Variants in UNC13A observed in about 807,000 individuals in gnomAD.
UNC13A encodes the protein protein unc-13 homolog A.
A neutral mutation model predicts 219.7 loss-of-function variants in UNC13A; 61 were observed. The ratio of observed to expected loss-of-function variants is 0.28; its 90% confidence interval spans 0.23 to 0.34. The LOEUF (loss-of-function observed/expected upper bound fraction) is 0.34, where lower values mean the gene tolerates loss of function less well. Among genes scored for constraint, UNC13A ranks in the 10% least tolerant of loss-of-function variants. The pLI is 1.00. For missense variants in UNC13A, 1,476 were observed against 2,270.3 expected, an observed-to-expected ratio of 0.65 and a Z score of 7.11; for synonymous variants, 920 against 884.6, an observed-to-expected ratio of 1.04 and a Z score of -0.71.
intron 38 of UNC13A, among the ~76,000 whole-genome samples, 172 bp downstream of exon 38, chr19:17,620,521 C>A (rs2076717210): frequency 6.6e-6 from 1 of 151,794 alleles, no homozygotes; most frequent in African/African-American, 2.4e-5. Flanking sequence ...CCACCAACCC[C>A]CCACCCACCA....
intron 9 of UNC13A, 110 bp from the exon 10 acceptor site, chr19:17,656,508 G>C: frequency 1.7e-6 from 2 of 1,145,838 alleles, no homozygotes; most frequent in Non-Finnish European, 2.4e-6. Flanking sequence ...CGATGTGCCA[G>C]GTCCTGCTCT....
intron 29 of UNC13A, 134 bp downstream of exon 29, chr19:17,630,520 A>G (rs746127439): frequency 2.5e-6 from 3 of 1,194,538 alleles, no homozygotes; most frequent in Non-Finnish European, 3.6e-6. Context: ...AATGAACAAA[A>G]GATTTTAAAA....
chr19:17,675,430 G>A (rs1055766517), intron 2 of UNC13A, among the ~76,000 whole-genome samples: 17 of 150,896 alleles, frequency 1.1e-4, no homozygotes, highest in African/African-American at 4.1e-4. Flanking sequence ...TCAGAAGTTT[G>A]AGACCAGCCT....
chr19:17,639,766 C>G lies in UNC13A; in HGVS notation c.2856+74G>C, dbSNP rs141051531. The G allele has an allele frequency of 1.7e-5, 26 of 1,555,364 alleles. No homozygotes were observed. In the African/African-American group the frequency reaches 3.0e-4, roughly 18 times the overall value. On this transcript the variant is annotated intron_variant, in intron 23 of 43. Transcript: ENST00000519716. ...GAAGATGGGTCCTCCCATGCACACACCTGCTGGTAGCTTTCCCCTCCAGGC... is the reference window on the plus strand; with the variant it reads ...GAAGATGGGTCCTCCCATGCACACAGCTGCTGGTAGCTTTCCCCTCCAGGC...
At chr19:17,620,600 G>A in intron 38 of UNC13A, 93 bp downstream of exon 38, 1 of 1,288,912 alleles carries the variant, frequency 7.8e-7, no homozygotes, top group Non-Finnish European at 1.1e-6. Context: ...TACGCCCTCG[G>A]ACGGCACGAA....
chr19:17,685,013 A>G (rs569717130), intron 1 of UNC13A, among the ~76,000 whole-genome samples: 2 of 152,256 alleles, frequency 1.3e-5, no homozygotes, highest in South Asian at 4.2e-4. Flanking sequence ...TCAAATGTGT[A>G]TTTACTTGTA....
intron 5 of UNC13A, 82 bp from the exon 6 acceptor site, chr19:17,668,272 C>G: frequency 7.1e-7 from 1 of 1,407,450 alleles, no homozygotes. Context: ...TGAGCTCCAC[C>G]CGGGCCCTGG....
At chr19:17,640,111 T>C (rs977950816) in intron 22 of UNC13A, among the ~76,000 whole-genome samples, 6 of 152,074 alleles carry the variant, frequency 3.9e-5, no homozygotes, top group Non-Finnish European at 8.8e-5. Context: ...CTCAGCTCAC[T>C]GCAACCTCCG....
intron 10 of UNC13A, 132 bp from the exon 11 acceptor site, chr19:17,655,514 C>T (rs974777392): frequency 1.3e-5 from 10 of 772,730 alleles, no homozygotes; most frequent in Admixed American, 2.7e-5. Context: ...TTAGGACCCA[C>T]GTGAGTCCCC....
chr19:17,605,836 C>T lies in UNC13A; in HGVS notation c.*218G>A. ...AAGTTGGGGATGTGGCTCCTTCCTT[C>T]GTCGCGCCCTTGGGCGTGGCCTCCC... On this transcript the variant is annotated 3_prime_UTR_variant, in exon 44 of 44. Coordinates refer to ENST00000519716, the MANE Select transcript of UNC13A (RefSeq NM_001080421.3). The T allele has an allele frequency of 2.1e-6, 1 of 476,498 alleles. No individual in the cohort carries two copies. The highest frequency in any genetic ancestry group is 3.5e-6 in the Non-Finnish European group (1 of 282,074). 29.5% of individuals were successfully genotyped at this position (476,498 alleles called of 1,614,324 possible).
chr19:17,651,163 TCCTGACCTCA>T (rs1285280548), intron 12 of UNC13A, among the ~76,000 whole-genome samples: 1 of 151,810 alleles, frequency 6.6e-6, no homozygotes, highest in East Asian at 1.9e-4. Context: ...GGTCTCAGAC[TCCTGACCTCA>T]GGTGATCAAC....
In UNC13A at chr19:17,604,558, G is replaced by C. The variant is rs1390172847; in HGVS notation, c.*1496C>G. ...TATCCTCCAGAAACCCAGCTACTCA[G>C]CTCACCCCGTTTTCATTTCTCCCTA... On this transcript the variant is annotated 3_prime_UTR_variant, in exon 44 of 44. Transcript: ENST00000519716. 1 of 152,208 alleles carries C rather than the reference G, an allele frequency of 6.6e-6. No individual in the cohort carries two copies. Among genetic ancestry groups the C allele is most frequent in the East Asian group, 1.9e-4 (1 of 5,188 alleles). The allele number at this position is 152,208 out of a possible 1,614,324, so 9.4% of individuals were successfully genotyped here.
At chr19:17,632,758 T>C (rs896357652) in intron 28 of UNC13A, 24 bp downstream of exon 28, 3 of 1,613,152 alleles carry the variant, frequency 1.9e-6, no homozygotes, top group Admixed American at 1.7e-5. Context: ...CTGGCTTGGG[T>C]TGGGCCTGGG....
chr19:17,605,788 CT>C lies in UNC13A; in HGVS notation c.*265del, dbSNP rs1239665611. 2.4e-6 allele frequency: 1 copy of C among 415,772 alleles called. No individual in the cohort carries two copies. Among genetic ancestry groups the C allele is most frequent in the East Asian group, 4.1e-5 (1 of 24,356 alleles). The allele number at this position is 415,772 out of a possible 1,614,324, so 25.8% of individuals were successfully genotyped here. On this transcript the variant is annotated 3_prime_UTR_variant, in exon 44 of 44. Coordinates refer to ENST00000519716, the MANE Select transcript of UNC13A (RefSeq NM_001080421.3). ...CCCCCATCCCAGCTCAAAATGCCCCCTAGGTGCTGGGGGCGTGGCCTCAAGT... is the reference window on the plus strand; with the variant it reads ...CCCCCATCCCAGCTCAAAATGCCCCCAGGTGCTGGGGGCGTGGCCTCAAGT...
At chr19:17,637,052 C>T (rs1211424032) in intron 25 of UNC13A, among the ~76,000 whole-genome samples, 2 of 151,770 alleles carry the variant, frequency 1.3e-5, no homozygotes, top group African/African-American at 4.8e-5. Context: ...TCATGGCTCA[C>T]CATAGACTCG....
chr19:17,607,687 G>A (rs2076548655), intron 43 of UNC13A, among the ~76,000 whole-genome samples: 1 of 151,704 alleles, frequency 6.6e-6, no homozygotes, highest in East Asian at 1.9e-4. Context: ...GAGCTCAAGC[G>A]ATCTTCCTGC....
rs1321330907 is a variant in UNC13A, at chr19:17,602,822, T to C, written c.*3232A>G. 1 of 152,278 alleles carries C rather than the reference T, an allele frequency of 6.6e-6. No homozygotes were observed. Among genetic ancestry groups the C allele is most frequent in the African/African-American group, 2.4e-5 (1 of 41,454 alleles). The allele number at this position is 152,278 out of a possible 1,614,324, so 9.4% of individuals were successfully genotyped here. A position where few individuals can be genotyped will look rare whatever the true frequency, so the allele number is the denominator to read the frequency against. On this transcript the variant is annotated 3_prime_UTR_variant, in exon 44 of 44. Coordinates refer to ENST00000519716, the MANE Select transcript of UNC13A (RefSeq NM_001080421.3). Reference sequence around the variant, plus strand: ...TGCATGCGGATGTGTATTCTCACACTGACCCTGCCCCAATACATAATTCCA... The same window carrying C: ...TGCATGCGGATGTGTATTCTCACACCGACCCTGCCCCAATACATAATTCCA...
At chr19:17,641,598 G>A in intron 20 of UNC13A, 42 bp from the exon 21 acceptor site, 1 of 1,596,964 alleles carries the variant, frequency 6.3e-7, no homozygotes, top group Non-Finnish European at 8.6e-7. Context: ...AGTGCAAGGG[G>A]TCGCCGGGGG....
Position 17,656,907 on chromosome 19 carries a change from G to A in UNC13A, c.768-509C>T, listed in dbSNP as rs369040471. Among the ~76,000 whole-genome samples the A allele has an allele frequency of 3.9e-3, 590 of 151,472 alleles. 5 individuals carry two copies. The highest frequency in any genetic ancestry group is 0.013 in the African/African-American group (557 of 41,266). ...CACTTTTGTGGCATTTGCGGTCTGT[G>A]GGGAACAGGCAATTGACTGTGCTGG... is the stretch of plus-strand genomic sequence containing the variant. On this transcript the variant is annotated intron_variant, in intron 9 of 43. Coordinates refer to ENST00000519716, the MANE Select transcript of UNC13A (RefSeq NM_001080421.3).
Sources: allele counts gnomAD v4.1 joint callset (sites outside exome capture counted in the v4.1 genomes callset), GRCh38; gene constraint gnomAD v4.1.1; transcripts MANE v1.5; gene names NCBI Gene and HGNC (gene_info 2026-07-23, HGNC 2026-07-21).